CELSR1: variants seen among roughly 807,000 people sequenced by gnomAD.
The protein encoded by CELSR1 is adhesion G protein-coupled receptor C1.
In CELSR1, 110 loss-of-function variants were observed where a neutral mutation model predicts 249.1. That is an observed-to-expected ratio of 0.44 (90% CI 0.38 to 0.52). CELSR1 has a LOEUF of 0.52. Ranked by LOEUF, CELSR1 falls within the 20% of genes least tolerant of loss-of-function variation. The pLI, the probability that CELSR1 is intolerant of heterozygous loss-of-function variation, is 0.00. For missense variants in CELSR1, 4,109 were observed against 4,296.4 expected (o/e 0.96, Z 1.22); for synonymous variants, 2,113 against 1,900.0 (o/e 1.11, Z -2.92).
chr22:46,371,852 CCACT>C (rs1334288291), intron 25 of CELSR1, among the ~76,000 whole-genome samples: 2 of 146,886 alleles, frequency 1.4e-5, no homozygotes, highest in Non-Finnish European at 3.0e-5. Context: ...ACCTATTCAT[CCACT>C]CACTTATCCA....
chr22:46,492,675 A>G (rs1602208427), intron 1 of CELSR1, among the ~76,000 whole-genome samples: 1 of 152,176 alleles, frequency 6.6e-6, no homozygotes, highest in East Asian at 1.9e-4. Context: ...AATAACAAAA[A>G]TTAGCTGGGC....
chr22:46,420,147 CA>C (rs1458197227), intron 5 of CELSR1, among the ~76,000 whole-genome samples: 1 of 151,762 alleles, frequency 6.6e-6, no homozygotes, highest in African/African-American at 2.4e-5. Flanking sequence ...CTCACCCACT[CA>C]AATGTGCCCT....
At position 46,460,211 on chromosome 22, in the gene CELSR1, A is replaced by ACACACACACACACACCCC. The variant is rs773925316; in HGVS notation, c.4183+3495_4183+3496insGGGGTGTGTGTGTGTGTG. Among the ~76,000 whole-genome samples, 7 of 148,870 alleles carry ACACACACACACACACCCC rather than the reference A, an allele frequency of 4.7e-5. 1 individual carries two copies. The highest frequency in any genetic ancestry group is 8.9e-5 in the Non-Finnish European group (6 of 67,164). On this transcript the variant is annotated intron_variant, in intron 2 of 34. Coordinates refer to ENST00000674500, the MANE Select transcript of CELSR1 (RefSeq NM_001378328.1). ...CACACACACACACACACACACACAC[A>ACACACACACACACACCCC]CACACCCATTAGCTACAGTCCCTGC...
chr22:46,502,557 T>C (rs9616028), intron 1 of CELSR1, among the ~76,000 whole-genome samples: 72,259 of 146,942 alleles, frequency 0.49, 18,886 homozygotes, highest in East Asian at 0.85. Flanking sequence ...AGGGACGTTA[T>C]TGAGAAACTG....
rs1433379590 is a variant in CELSR1 at position 46,363,141 on chromosome 22, G to A, written c.*82C>T. Reference sequence around the variant, plus strand: ...GGCCCCTTGGGCTCCAAGGTCTGAGGGTGATGCCGCAGCCTGTGTGGGGTG... The same window carrying A: ...GGCCCCTTGGGCTCCAAGGTCTGAGAGTGATGCCGCAGCCTGTGTGGGGTG... On this transcript the variant is annotated 3_prime_UTR_variant, in exon 35 of 35. Transcript: ENST00000674500. This position sits in a 1 kb window ranked among gnomAD's most constrained non-coding sequence, Gnocchi z 4.3. 3 of 1,613,610 alleles carry A rather than the reference G, an allele frequency of 1.9e-6. No individual in the cohort carries two copies. Among genetic ancestry groups the A allele is most frequent in the East Asian group, 2.2e-5 (1 of 44,900 alleles).
intron 2 of CELSR1, among the ~76,000 whole-genome samples, chr22:46,458,849 C>A (rs1055816881): frequency 1.3e-5 from 2 of 152,194 alleles, no homozygotes; most frequent in Non-Finnish European, 2.9e-5. Context: ...GACTTCCGTT[C>A]TTGGTCACCA....
At chr22:46,477,652 C>T (rs1256466616) in intron 1 of CELSR1, among the ~76,000 whole-genome samples, 2 of 151,776 alleles carry the variant, frequency 1.3e-5, no homozygotes, top group African/African-American at 2.4e-5. Flanking sequence ...GGGCTACAGA[C>T]GTGGGCCACC....
At chr22:46,366,961 C>T (rs1383641294) in intron 29 of CELSR1, 32 bp downstream of exon 29, 1 of 1,597,390 alleles carries the variant, frequency 6.3e-7, no homozygotes, top group East Asian at 2.3e-5. Flanking sequence ...CCGCCCAGCC[C>T]CCAGTCCCGC....
In CELSR1 at chr22:46,361,907, G is replaced by C. The variant is rs1221880602; in HGVS notation, c.*1316C>G. 1.3e-5 allele frequency: 2 copies of C among 152,268 alleles called. No homozygotes were observed. The highest frequency in any genetic ancestry group is 2.9e-5 in the Non-Finnish European group (2 of 68,048). The allele number at this position is 152,268 out of a possible 1,614,324, so 9.4% of individuals were successfully genotyped here. ...CCCCTCGGGCCACGCTGTGCCAGCT[G>C]CCTGCAGTGGGCCCGACCTTGGTGT... On this transcript the variant is annotated 3_prime_UTR_variant, in exon 35 of 35. Transcript: ENST00000674500.
rs769724787 is a variant in CELSR1, at chr22:46,381,901, G to A, written c.7033C>T (p.Arg2345Cys). 24 of 1,575,002 alleles carry A rather than the reference G, an allele frequency of 1.5e-5. No individual in the cohort carries two copies. Among genetic ancestry groups the A allele is most frequent in the East Asian group, 9.3e-5 (4 of 42,816 alleles). The change falls in exon 21 of 35, where the codon CGC becomes TGC. Residue 2345 changes from arginine (R) to cysteine (C), a missense_variant. Transcript: ENST00000674500. This position sits in a 1 kb window ranked among gnomAD's most constrained non-coding sequence, Gnocchi z 6.0. ...TCGGGCAGGAGCTGCCCCAGGGTGCGGTAAATGATGACCAGAGCGACGGCG... is the reference window on the plus strand; with the variant it reads ...TCGGGCAGGAGCTGCCCCAGGGTGCAGTAAATGATGACCAGAGCGACGGCG... ...QFAVALVIIY[R>C]TLGQLLPERY...
rs931127838 is a variant in CELSR1 at position 46,537,296 on chromosome 22, C to T, written c.-126G>A. 2.0e-6 allele frequency: 2 copies of T among 982,834 alleles called. No individual in the cohort carries two copies. Among genetic ancestry groups the T allele is most frequent in the African/African-American group, 3.5e-5 (2 of 56,900 alleles). The allele number at this position is 982,834 out of a possible 1,614,324, so 60.9% of individuals were successfully genotyped here. On this transcript the variant is annotated 5_prime_UTR_variant, in exon 1 of 35. Transcript: ENST00000674500. The surrounding 1 kb of genome is among the most constrained non-coding windows in gnomAD (Gnocchi z 5.8). The stretch of plus-strand genomic sequence containing the variant: ...CCGGCCCTCGGGGCGGTCCGCGTCC[C>T]GCCTCCCCGGGGGCCCTGGCGGGGA...
chr22:46,528,330 G>A (rs538023724), intron 1 of CELSR1, among the ~76,000 whole-genome samples: 14 of 152,292 alleles, frequency 9.2e-5, no homozygotes, highest in Non-Finnish European at 1.6e-4. Flanking sequence ...AGTCAACGGC[G>A]AGAAGGTTAC....
chr22:46,533,926 A>G lies in CELSR1; in HGVS notation c.3245T>C (p.Val1082Ala), dbSNP rs1458822521. ...LVVQATSAPL[V>A]SRATVHILLV... ...AAGGATGTGCACCGTGGCTCGGCTC[A>G]CCAGCGGAGCCGACGTGGCCTGCAC... The change falls in exon 1 of 35, where the codon GTG (valine) becomes GCG (alanine). Residue 1082 changes from valine (V) to alanine (A), a missense_variant. Around this residue, in one of 7 missense-constraint regions of CELSR1, gnomAD observed 886 missense variants for 896.5 expected, o/e 0.99. Coordinates refer to ENST00000674500, the MANE Select transcript of CELSR1 (RefSeq NM_001378328.1). 1 of 1,612,874 alleles carries G rather than the reference A, an allele frequency of 6.2e-7. No individual in the cohort carries two copies. The highest frequency in any genetic ancestry group is 1.3e-5 in the African/African-American group (1 of 74,898).
rs2080742099 is a variant in CELSR1, at chr22:46,526,703, C to T, written c.3544+6924G>A. 6.6e-6 allele frequency among the ~76,000 whole-genome samples: 1 copy of T among 152,162 alleles called. No individual in the cohort carries two copies. Among genetic ancestry groups the T allele is most frequent in the African/African-American group, 2.4e-5 (1 of 41,434 alleles). ...GCACGTGGTTATTCCTGCTCCAGCT[C>T]CCAAGCAGACTGTTCCCCACCCAGG... On this transcript the variant is annotated intron_variant, in intron 1 of 34. Transcript: ENST00000674500. The surrounding 1 kb of genome is among the most constrained non-coding windows in gnomAD (Gnocchi z 4.7).
chr22:46,533,394 G>A (rs576741196), intron 1 of CELSR1, among the ~76,000 whole-genome samples: 38 of 152,376 alleles, frequency 2.5e-4, no homozygotes, highest in Non-Finnish European at 4.4e-4. Flanking sequence ...TGGGAGAACC[G>A]CAGGCCTGCT....
chr22:46,473,402 T>C lies in CELSR1; in HGVS notation c.3545-9057A>G, dbSNP rs1244145167. On this transcript the variant is annotated intron_variant, in intron 1 of 34. Transcript: ENST00000674500. The surrounding 1 kb of genome is among the most constrained non-coding windows in gnomAD (Gnocchi z 6.6). The stretch of plus-strand genomic sequence containing the variant: ...GGACATGGAGGAGGAAAGGCCAGTT[T>C]GTGACCCACCTGGGGCCTTGGAGAT... Among the ~76,000 whole-genome samples the C allele has an allele frequency of 2.0e-5, 3 of 152,076 alleles. No homozygotes were observed. The highest frequency in any genetic ancestry group is 7.2e-5 in the African/African-American group (3 of 41,400).
At chr22:46,438,718 A>G (rs1459990118) in intron 3 of CELSR1, among the ~76,000 whole-genome samples, 1 of 152,064 alleles carries the variant, frequency 6.6e-6, no homozygotes, top group Admixed American at 6.6e-5. Flanking sequence ...GGCTGAAGAG[A>G]AGTGGGTTAA....
At chr22:46,385,674 ATTTT>A (rs747955777) in intron 19 of CELSR1, among the ~76,000 whole-genome samples, 2,658 of 132,206 alleles carry the variant, frequency 0.02, 83 homozygotes, top group African/African-American at 0.069. Context: ...CCTGCCGAAT[ATTTT>A]TTTTTTTTTT....
At chr22:46,388,003 A>T (rs9627438) in intron 18 of CELSR1, among the ~76,000 whole-genome samples, 2,904 of 152,160 alleles carry the variant, frequency 0.019, 93 homozygotes, top group African/African-American at 0.066. Context: ...TCTGTGTGAA[A>T]GACTGGGTGG....
Sources: allele counts gnomAD v4.1 joint callset (sites outside exome capture counted in the v4.1 genomes callset), GRCh38; gene constraint gnomAD v4.1.1; regional missense constraint gnomAD v4.1.1; non-coding constraint Gnocchi (gnomAD v3.1); transcripts MANE v1.5; gene names NCBI Gene and HGNC (gene_info 2026-07-23, HGNC 2026-07-21).